The following NRXN3 variants were observed in gnomAD, a reference collection of about 807,000 sequenced individuals.
The protein encoded by NRXN3 is neurexin III.
A neutral mutation model predicts 137.6 loss-of-function variants in NRXN3; 32 were observed. The ratio of observed to expected loss-of-function variants is 0.23; its 90% CI spans 0.18 to 0.31. The LOEUF is 0.31. NRXN3 is among the 10% of genes least tolerant of loss of function. NRXN3 has a pLI of 1.00. For missense variants in NRXN3, 1,574 were observed against 2,062.5 expected (o/e 0.76, Z 4.59); for synonymous variants, 798 against 784.5 (o/e 1.02, Z -0.29).
chr14:78,658,445 T>C (rs1000433192), intron 6 of NRXN3, among the ~76,000 whole-genome samples: 25 of 152,220 alleles, frequency 1.6e-4, no homozygotes, highest in African/African-American at 4.6e-4. Context: ...AGTTGTTATT[T>C]ATGTTATTAA....
chr14:79,572,353 T>G (rs776739004), intron 16 of NRXN3, among the ~76,000 whole-genome samples: 5 of 152,212 alleles, frequency 3.3e-5, no homozygotes, highest in Non-Finnish European at 7.3e-5. Context: ...ATATTTGGAA[T>G]GTTTAGTTTA....
chr14:78,767,023 G>C (rs545414367), intron 8 of NRXN3, among the ~76,000 whole-genome samples: 46 of 152,288 alleles, frequency 3.0e-4, no homozygotes, highest in African/African-American at 1.0e-3. Context: ...TAGGGACTTA[G>C]CTGCTTAAAA....
At chr14:78,172,053 A>G (rs2058775401) in intron 1 of NRXN3, among the ~76,000 whole-genome samples, 1 of 152,096 alleles carries the variant, frequency 6.6e-6, no homozygotes, top group Non-Finnish European at 1.5e-5. Flanking sequence ...TTTTACCACT[A>G]CAAGCCACCC....
At chr14:79,425,623 A>T (rs1300345866) in intron 15 of NRXN3, among the ~76,000 whole-genome samples, 1 of 152,180 alleles carries the variant, frequency 6.6e-6, no homozygotes, top group Non-Finnish European at 1.5e-5. Context: ...GAAACTAGAG[A>T]TCCGAAAAGT....
At chr14:79,264,156 A>T (rs918832928) in intron 15 of NRXN3, among the ~76,000 whole-genome samples, 1 of 152,046 alleles carries the variant, frequency 6.6e-6, no homozygotes, top group African/African-American at 2.4e-5. Flanking sequence ...GGTGACTCAC[A>T]TGGCTCACTG....
At chr14:79,069,966 G>A (rs1290117756) in intron 15 of NRXN3, among the ~76,000 whole-genome samples, 1 of 152,116 alleles carries the variant, frequency 6.6e-6, no homozygotes, top group Non-Finnish European at 1.5e-5. Flanking sequence ...TAATAAGCAG[G>A]ATATGACAGT....
chr14:78,908,992 T>G (rs2099228143), intron 10 of NRXN3, among the ~76,000 whole-genome samples: 1 of 152,118 alleles, frequency 6.6e-6, no homozygotes, highest in Admixed American at 6.6e-5. Context: ...AAAGCCTAGG[T>G]TATTAACAGC....
intron 4 of NRXN3, among the ~76,000 whole-genome samples, chr14:78,515,666 C>A (rs1297433818): frequency 6.6e-6 from 1 of 151,962 alleles, no homozygotes; most frequent in Non-Finnish European, 1.5e-5. Flanking sequence ...AGGAAAAATA[C>A]TGTCTTCAGG....
intron 4 of NRXN3, among the ~76,000 whole-genome samples, chr14:78,595,554 C>G (rs978097651): frequency 6.6e-6 from 1 of 152,088 alleles, no homozygotes; most frequent in African/African-American, 2.4e-5. Context: ...TCACCCAAAC[C>G]CTTTCTTTCC....
chr14:79,351,791 G>A (rs2093220658), intron 15 of NRXN3, among the ~76,000 whole-genome samples: 1 of 152,146 alleles, frequency 6.6e-6, no homozygotes, highest in Non-Finnish European at 1.5e-5. Context: ...TAATCATAAA[G>A]CATTTCATGC....
intron 10 of NRXN3, among the ~76,000 whole-genome samples, chr14:78,870,467 T>C (rs1269029428): frequency 6.6e-6 from 1 of 152,176 alleles, no homozygotes; most frequent in East Asian, 1.9e-4. Context: ...TGTGTAATGA[T>C]CAAATCAGGG....
chr14:78,603,480 T>C (rs1253783783), intron 4 of NRXN3, among the ~76,000 whole-genome samples: 1 of 152,122 alleles, frequency 6.6e-6, no homozygotes, highest in Non-Finnish European at 1.5e-5. Context: ...ATTTTACATA[T>C]AATTTAGAAA....
chr14:79,804,105 T>C (rs776794404), intron 19 of NRXN3, among the ~76,000 whole-genome samples: 90 of 151,816 alleles, frequency 5.9e-4, no homozygotes, highest in Non-Finnish European at 1.0e-3. Flanking sequence ...CAGACTTTAG[T>C]ACATTTGGGA....
chr14:79,342,533 A>G (rs2092665183), intron 15 of NRXN3, among the ~76,000 whole-genome samples: 1 of 151,258 alleles, frequency 6.6e-6, no homozygotes, highest in South Asian at 2.1e-4. Context: ...CAAGAAGAGG[A>G]CCTACTTATT....
intron 17 of NRXN3, among the ~76,000 whole-genome samples, chr14:79,688,317 G>A (rs749266049): frequency 6.6e-6 from 1 of 152,144 alleles, no homozygotes; most frequent in Admixed American, 6.5e-5. Context: ...GATAAAGTTA[G>A]AACTCAGGAC....
At chr14:79,373,958 G>A (rs1026945463) in intron 15 of NRXN3, among the ~76,000 whole-genome samples, 1 of 151,928 alleles carries the variant, frequency 6.6e-6, no homozygotes, top group Admixed American at 6.6e-5. Context: ...TCAGAGCTCT[G>A]GTAACAGGAA....
intron 16 of NRXN3, among the ~76,000 whole-genome samples, chr14:79,579,565 T>G (rs2097696062): frequency 6.6e-6 from 1 of 151,784 alleles, no homozygotes; most frequent in Admixed American, 6.6e-5. Context: ...GTAATAGAAG[T>G]TATTAATTTG....
chr14:78,751,226 G>C (rs942241964), intron 8 of NRXN3, among the ~76,000 whole-genome samples: 2 of 152,200 alleles, frequency 1.3e-5, no homozygotes, highest in Non-Finnish European at 2.9e-5. Context: ...GAGGATGCTT[G>C]AGTTAATCTG....
chr14:79,732,721 C>T (rs965952638), intron 19 of NRXN3, among the ~76,000 whole-genome samples: 6 of 152,154 alleles, frequency 3.9e-5, no homozygotes, highest in African/African-American at 9.6e-5. Flanking sequence ...TCACTTAATT[C>T]CCACAATAAC....
Sources: gnomAD v4.1 joint callset for allele counts (sites outside exome capture counted in the v4.1 genomes callset) on GRCh38, gnomAD v4.1.1 for gene constraint, MANE v1.5 for transcripts, NCBI Gene and HGNC (gene_info 2026-07-23, HGNC 2026-07-21) for gene names.